The following PARN variants were observed in gnomAD, a reference collection of about 807,000 sequenced individuals.
PARN encodes poly(A)-specific ribonuclease.
In PARN, 71 loss-of-function variants were observed where a neutral mutation model predicts 102.8. The observed-to-expected ratio is 0.69, with a 90% CI of 0.57 to 0.84. The LOEUF is 0.84. PARN is among the 40% of genes least tolerant of loss of function. The probability of loss-of-function intolerance (pLI) is 0.00; values close to 1 mark genes in which losing one functional copy is unlikely to be tolerated. For missense variants in PARN, 782 were observed against 760.9 expected (o/e 1.03, Z -0.33); for synonymous variants, 261 against 252.9 (o/e 1.03, Z -0.30).
chr16:14,567,252 A>T (rs1274272518), intron 18 of PARN, among the ~76,000 whole-genome samples: 2 of 152,198 alleles, frequency 1.3e-5, no homozygotes, highest in Non-Finnish European at 2.9e-5. Context: ...TGAACTAGGG[A>T]AAAACTGGCT....
chr16:14,557,653 A>C (rs995145156), intron 18 of PARN, among the ~76,000 whole-genome samples: 2 of 152,116 alleles, frequency 1.3e-5, no homozygotes, highest in Admixed American at 6.5e-5. Context: ...GTCAGAAAAA[A>C]CGAAGTCATA....
At chr16:14,501,810 A>G (rs543761166) in intron 21 of PARN, 8 of 152,354 alleles carry the variant, frequency 5.3e-5, no homozygotes, top group African/African-American at 1.9e-4. Context: ...AGCTACCTGA[A>G]TGTATCCTGA....
rs1970047529 is a variant in PARN at position 14,589,584 on chromosome 16, G to T, written c.919-3223C>A. The stretch of plus-strand genomic sequence containing the variant: ...TCTCTCAAAAAAGAAAAAAAAAAAT[G>T]GCCGGGCATAATGGCTCATGCCTGT... On this transcript the variant is annotated intron_variant, in intron 13 of 23. Coordinates refer to ENST00000437198, the MANE Select transcript of PARN (RefSeq NM_002582.4). Among the ~76,000 whole-genome samples the T allele has an allele frequency of 2.7e-5, 4 of 150,866 alleles. No homozygotes were observed. The South Asian group carries it at 8.4e-4, about 32-fold the overall frequency.
chr16:14,605,132 C>T (rs1013187015), intron 10 of PARN, among the ~76,000 whole-genome samples: 5 of 151,870 alleles, frequency 3.3e-5, no homozygotes, highest in East Asian at 1.9e-4. Flanking sequence ...TTAGTAGAGA[C>T]GGAGTTTCAC....
intron 21 of PARN, among the ~76,000 whole-genome samples, chr16:14,497,875 G>A (rs2151620141): frequency 6.6e-6 from 1 of 152,282 alleles, no homozygotes. Context: ...TGTAACCCCA[G>A]TACTTTGGGA....
At chr16:14,582,408 C>A in intron 16 of PARN, 117 bp from the exon 17 acceptor site, 1 of 688,222 alleles carries the variant, frequency 1.5e-6, no homozygotes, top group Non-Finnish European at 2.6e-6. Flanking sequence ...CAGAAAAAAG[C>A]TATCTATTCC....
chr16:14,511,583 A>G (rs1965191745), intron 21 of PARN, among the ~76,000 whole-genome samples: 2 of 152,200 alleles, frequency 1.3e-5, no homozygotes, highest in South Asian at 4.1e-4. Context: ...CAAAAATATG[A>G]GACTGAGACA....
At position 14,436,614 on chromosome 16, in the gene PARN, C is replaced by T. The variant is rs1375319577; in HGVS notation, c.*103G>A. On this transcript the variant is annotated 3_prime_UTR_variant, in exon 24 of 24. Transcript: ENST00000437198. The stretch of plus-strand genomic sequence containing the variant: ...AGACAACTTGGTTTCCAACCCCTCC[C>T]ATACCACATTTGATTAAGTTAAATA... 1.2e-6 allele frequency: 1 copy of T among 817,686 alleles called. No homozygotes were observed. The highest frequency in any genetic ancestry group is 2.7e-5 in the East Asian group (1 of 37,354). 50.7% of individuals were successfully genotyped at this position (817,686 alleles called of 1,614,324 possible).
chr16:14,436,878 C>A, intron 23 of PARN, 106 bp from the exon 24 acceptor site: 2 of 798,070 alleles, frequency 2.5e-6, no homozygotes, highest in South Asian at 1.6e-5. Flanking sequence ...CGGCTGCAGA[C>A]GGGGCCAGCG....
rs1052388712 is a variant in PARN at position 14,527,877 on chromosome 16, G to A, written c.1480+24144C>T. ...CACTAAAAGCCTGTGAAAAGGAGCC[G>A]TGTTTACAGCCCAAGAGCAGAAACT... On this transcript the variant is annotated intron_variant, in intron 21 of 23. Coordinates refer to ENST00000437198, the MANE Select transcript of PARN (RefSeq NM_002582.4). Among the ~76,000 whole-genome samples the A allele has an allele frequency of 1.2e-4, 18 of 152,290 alleles. No homozygotes were observed. The South Asian group carries it at 2.3e-3, about 19-fold the overall frequency.
At chr16:14,581,088 T>C (rs778584581) in intron 17 of PARN, 145 bp from the exon 18 acceptor site, 4 of 533,882 alleles carry the variant, frequency 7.5e-6, no homozygotes, top group Non-Finnish European at 1.4e-5. Flanking sequence ...GTTTCACTCT[T>C]GTTGCCCAGG....
chr16:14,533,141 C>T (rs1398772694), intron 21 of PARN, among the ~76,000 whole-genome samples: 17 of 152,116 alleles, frequency 1.1e-4, no homozygotes, highest in Admixed American at 7.9e-4. Flanking sequence ...AACCAGACTC[C>T]GTCTGCAACC....
At chr16:14,505,340 A>T (rs545833635) in intron 21 of PARN, among the ~76,000 whole-genome samples, 1 of 152,240 alleles carries the variant, frequency 6.6e-6, no homozygotes, top group Non-Finnish European at 1.5e-5. Context: ...AGCTGGGCAC[A>T]GTGGCGCACG....
intron 12 of PARN, among the ~76,000 whole-genome samples, chr16:14,599,556 G>A (rs1002211967): frequency 6.6e-6 from 1 of 152,232 alleles, no homozygotes; most frequent in East Asian, 1.9e-4. Flanking sequence ...AACACCTTCA[G>A]TCAAATATCT....
intron 21 of PARN, among the ~76,000 whole-genome samples, chr16:14,485,749 G>A (rs1379206496): frequency 2.0e-5 from 3 of 151,774 alleles, no homozygotes; most frequent in Non-Finnish European, 1.5e-5. Flanking sequence ...GTATAGTGGC[G>A]CCATCTAGGC....
intron 21 of PARN, among the ~76,000 whole-genome samples, chr16:14,514,146 TAA>T (rs1965340428): frequency 6.6e-6 from 1 of 152,214 alleles, no homozygotes; most frequent in African/African-American, 2.4e-5. Context: ...AGGGGGGATA[TAA>T]GAGTCACTTT....
At chr16:14,570,920 G>A (rs999006252) in intron 18 of PARN, among the ~76,000 whole-genome samples, 1 of 152,090 alleles carries the variant, frequency 6.6e-6, no homozygotes, top group Non-Finnish European at 1.5e-5. Context: ...AGAAGGTTGA[G>A]GGTGCAGTGA....
intron 21 of PARN, among the ~76,000 whole-genome samples, chr16:14,486,212 C>A (rs964670755): frequency 6.6e-6 from 1 of 152,030 alleles, no homozygotes. Context: ...AAAAAAACCA[C>A]AAAAATTAGC....
intron 18 of PARN, among the ~76,000 whole-genome samples, chr16:14,563,522 G>GTATATA (rs1555499416): frequency 3.0e-4 from 45 of 149,266 alleles, no homozygotes; most frequent in African/African-American, 4.0e-4. Context: ...GTGTGTGTGT[G>GTATATA]TATATAATTC....
Sources: allele counts gnomAD v4.1 joint callset (sites outside exome capture counted in the v4.1 genomes callset), GRCh38; gene constraint gnomAD v4.1.1; transcripts MANE v1.5; gene names NCBI Gene and HGNC (gene_info 2026-07-23, HGNC 2026-07-21).